DIPK1B: variants seen among roughly 807,000 people sequenced by gnomAD.
The protein encoded by DIPK1B is family with sequence similarity 69 member B.
DIPK1B carries 17 observed loss-of-function variants against 20.7 expected under a neutral mutation model. The ratio of observed to expected loss-of-function variants is 0.82; its 90% CI spans 0.56 to 1.23. The LOEUF (loss-of-function observed/expected upper bound fraction) is 1.23, where lower values mean the gene tolerates loss of function less well. DIPK1B is among the 50% of genes most tolerant of loss of function. The probability of loss-of-function intolerance (pLI) is 0.00; values close to 1 mark genes in which losing one functional copy is unlikely to be tolerated. For missense variants in DIPK1B, 648 were observed against 601.8 expected, an observed-to-expected ratio of 1.08 and a Z score of -0.80; for synonymous variants, 343 against 276.5, an observed-to-expected ratio of 1.24 and a Z score of -2.39.
chr9:136,719,069 G>T (rs1405550101), intron 2 of DIPK1B, among the ~76,000 whole-genome samples: 2 of 135,596 alleles, frequency 1.5e-5, no homozygotes, highest in Non-Finnish European at 3.1e-5. Context: ...GGAAGGCTGT[G>T]CCCCGATCAG....
rs181235765 is a variant in DIPK1B at position 136,714,223 on chromosome 9, A to G, written c.63+1495A>G. The stretch of plus-strand genomic sequence containing the variant: ...CAAGGTGGCTCCTGCCTGTAATGCC[A>G]GGCCTTAATGGGAGGGTCACTTGAA... On this transcript the variant is annotated intron_variant, in intron 1 of 4. Coordinates refer to ENST00000371692, the MANE Select transcript of DIPK1B (RefSeq NM_152421.4). Among the ~76,000 whole-genome samples, 1,434 of 152,298 alleles carry G rather than the reference A, an allele frequency of 9.4e-3. 17 individuals are homozygous for G. The highest frequency in any genetic ancestry group is 0.031 in the Middle Eastern group (9 of 294).
chr9:136,721,449 A>T (rs1846599334), intron 2 of DIPK1B: 1 of 163,830 alleles, frequency 6.1e-6, no homozygotes, highest in Admixed American at 6.0e-5. Context: ...CACCCGAGGC[A>T]GGAATGAAGA....
Position 136,717,703 on chromosome 9 carries a change from G to A in DIPK1B, c.190G>A (p.Val64Met). ...SERCRGHVCQVVICDQYRKGI... is the reference protein window; with the variant it reads ...SERCRGHVCQMVICDQYRKGI... ...GCGCTGTCGCGGCCATGTCTGCCAG[G>A]TGGTCATTGTAAGTGTTGCTTGTGC... The change falls in exon 2 of 5, where the codon GTG (valine) becomes ATG (methionine). Residue 64 changes from valine to methionine, a missense_variant. Physicochemically the swap from Val to Met is conservative, Grantham distance 21. Coordinates refer to ENST00000371692, the MANE Select transcript of DIPK1B (RefSeq NM_152421.4). 6.2e-7 allele frequency: 1 copy of A among 1,611,240 alleles called. No homozygotes were observed. Among genetic ancestry groups the A allele is most frequent in the Non-Finnish European group, 8.5e-7 (1 of 1,179,944 alleles).
chr9:136,721,920 G>A lies in DIPK1B; in HGVS notation c.199-1G>A. 6.2e-7 allele frequency: 1 copy of A among 1,613,064 alleles called. No homozygotes were observed. Among genetic ancestry groups the A allele is most frequent in the Non-Finnish European group, 8.5e-7 (1 of 1,179,888 alleles). On this transcript the variant is annotated splice_acceptor_variant, in intron 2 of 4. Coordinates refer to ENST00000371692, the MANE Select transcript of DIPK1B (RefSeq NM_152421.4). LOFTEE classifies it high-confidence loss of function. ...CGGCACGCCTGCACCTGTCTCCTCAGTGTGACCAGTACCGCAAGGGGATCA... is the reference window on the plus strand; with the variant it reads ...CGGCACGCCTGCACCTGTCTCCTCAATGTGACCAGTACCGCAAGGGGATCA...
In DIPK1B at chr9:136,722,868, A is replaced by C; in HGVS notation, c.484-94A>C. 5.2e-6 allele frequency: 7 copies of C among 1,337,384 alleles called. No homozygotes were observed. In the South Asian group the frequency reaches 7.3e-5, roughly 14 times the overall value. The allele number at this position is 1,337,384 out of a possible 1,614,324, so 82.8% of individuals were successfully genotyped here. A position where few individuals can be genotyped will look rare whatever the true frequency, so the allele number is the denominator to read the frequency against. On this transcript the variant is annotated intron_variant, in intron 4 of 4. Coordinates refer to ENST00000371692, the MANE Select transcript of DIPK1B (RefSeq NM_152421.4). ...TGGCAGATGTGCTGGTCTGGCCGGC[A>C]GACCACCCCGCCAGGAGGACCAGGT...
chr9:136,717,854 G>A (rs1483675342), intron 2 of DIPK1B, 143 bp downstream of exon 2: 2 of 1,332,808 alleles, frequency 1.5e-6, no homozygotes, highest in Non-Finnish European at 2.0e-6. Context: ...CTGCAAAGCT[G>A]CCTCAGGCTG....
chr9:136,720,140 G>A (rs1219268195), intron 2 of DIPK1B, among the ~76,000 whole-genome samples: 7 of 152,136 alleles, frequency 4.6e-5, no homozygotes, highest in Non-Finnish European at 7.4e-5. Flanking sequence ...GTCTGGGGAC[G>A]GGAGTGGACT....
intron 2 of DIPK1B, chr9:136,721,676 C>A: frequency 1.9e-6 from 1 of 521,486 alleles, no homozygotes; most frequent in Non-Finnish European, 3.5e-6. Context: ...CGTCCTGTTA[C>A]AGGAGCCAGG....
rs940777702 is a variant in DIPK1B, at chr9:136,712,901, G to C, written c.63+173G>C. On this transcript the variant is annotated intron_variant, in intron 1 of 4. Coordinates refer to ENST00000371692, the MANE Select transcript of DIPK1B (RefSeq NM_152421.4). The surrounding 1 kb of genome is among the most constrained non-coding windows in gnomAD (Gnocchi z 5.6). The stretch of plus-strand genomic sequence containing the variant: ...GTGGCTCCGGAAGGACGGGACGCTG[G>C]GGGAGGGGCGGTGGCGGCGACAGGA... 2.0e-5 allele frequency among the ~76,000 whole-genome samples: 3 copies of C among 152,132 alleles called. No individual in the cohort carries two copies. Among genetic ancestry groups the C allele is most frequent in the Non-Finnish European group, 4.4e-5 (3 of 67,978 alleles).
At position 136,712,635 on chromosome 9, in the gene DIPK1B, G is replaced by A; in HGVS notation, c.-31G>A. Reference sequence around the variant, plus strand: ...CCGGGGCTGAGGCCGAGCGAGCCGCGGGGCCCGCGCAGCCCCGGCCGGAGC... The same window carrying A: ...CCGGGGCTGAGGCCGAGCGAGCCGCAGGGCCCGCGCAGCCCCGGCCGGAGC... On this transcript the variant is annotated 5_prime_UTR_variant, in exon 1 of 5. Coordinates refer to ENST00000371692, the MANE Select transcript of DIPK1B (RefSeq NM_152421.4). The surrounding 1 kb of genome is among the most constrained non-coding windows in gnomAD (Gnocchi z 5.6). 4 of 1,111,864 alleles carry A rather than the reference G, an allele frequency of 3.6e-6. No individual in the cohort carries two copies. The highest frequency in any genetic ancestry group is 3.3e-6 in the Non-Finnish European group (3 of 908,880). The allele number at this position is 1,111,864 out of a possible 1,614,324, so 68.9% of individuals were successfully genotyped here.
chr9:136,713,143 G>A (rs998197947), intron 1 of DIPK1B, among the ~76,000 whole-genome samples: 10 of 152,180 alleles, frequency 6.6e-5, no homozygotes, highest in African/African-American at 2.2e-4. Flanking sequence ...CCATCAGCCA[G>A]CCGTAGCGCG....
chr9:136,721,704 G>A lies in DIPK1B; in HGVS notation c.199-217G>A, dbSNP rs552307160. On this transcript the variant is annotated intron_variant, in intron 2 of 4. Coordinates refer to ENST00000371692, the MANE Select transcript of DIPK1B (RefSeq NM_152421.4). Reference sequence around the variant, plus strand: ...GAGCCAGGATGGTGGGGACGGGACCGGACCGGAGGGTTGGCGGGGCTGCCC... The same window carrying A: ...GAGCCAGGATGGTGGGGACGGGACCAGACCGGAGGGTTGGCGGGGCTGCCC... 1.1e-3 allele frequency: 644 copies of A among 565,740 alleles called. 2 individuals are homozygous for A. The highest frequency in any genetic ancestry group is 1.7e-3 in the Non-Finnish European group (548 of 314,454). The allele number at this position is 565,740 out of a possible 1,614,324, so 35.0% of individuals were successfully genotyped here. A position where few individuals can be genotyped will look rare whatever the true frequency, so the allele number is the denominator to read the frequency against.
At position 136,712,673 on chromosome 9, in the gene DIPK1B, G is replaced by A; in HGVS notation, c.8G>A (p.Arg3Gln). The A allele has an allele frequency of 7.7e-7, 1 of 1,302,094 alleles. No homozygotes were observed. The highest frequency in any genetic ancestry group is 9.8e-7 in the Non-Finnish European group (1 of 1,024,994). The allele number at this position is 1,302,094 out of a possible 1,614,324, so 80.7% of individuals were successfully genotyped here. A position where few individuals can be genotyped will look rare whatever the true frequency, so the allele number is the denominator to read the frequency against. The change falls in exon 1 of 5, where the codon CGG becomes CAG. Residue 3 changes from arginine to glutamine, a missense_variant. Arg to Gln is a conservative substitution (Grantham distance 43). Coordinates refer to ENST00000371692, the MANE Select transcript of DIPK1B (RefSeq NM_152421.4). The surrounding 1 kb of genome is among the most constrained non-coding windows in gnomAD (Gnocchi z 5.6). ...CCCCGGCCGGAGCCCACCATGCGGC[G>A]GCTGCGGCGCCTGGCGCACCTGGTG... MRRLRRLAHLVLF... is the reference protein window; with the variant it reads MRQLRRLAHLVLF...
At position 136,720,524 on chromosome 9, in the gene DIPK1B, G is replaced by A. The variant is rs537975393; in HGVS notation, c.199-1397G>A. Among the ~76,000 whole-genome samples, 6 of 152,304 alleles carry A rather than the reference G, an allele frequency of 3.9e-5. No individual in the cohort carries two copies. The Middle Eastern group carries it at 0.01, about 259-fold the overall frequency. ...ATCCCTCCATCACCTCCCGTGGGGC[G>A]CTGGGATTGAGGGGCTGCCAGGCCC... On this transcript the variant is annotated intron_variant, in intron 2 of 4. Coordinates refer to ENST00000371692, the MANE Select transcript of DIPK1B (RefSeq NM_152421.4).
At chr9:136,722,741 C>T (rs1033831402) in intron 4 of DIPK1B, 10 of 608,272 alleles carry the variant, frequency 1.6e-5, no homozygotes, top group Middle Eastern at 4.3e-4. Flanking sequence ...TGCCAGGAGG[C>T]GGGAGGTCTG....
intron 2 of DIPK1B, among the ~76,000 whole-genome samples, chr9:136,720,333 C>T (rs1489129658): frequency 6.6e-6 from 1 of 152,176 alleles, no homozygotes; most frequent in Admixed American, 6.5e-5. Context: ...TGTCCCCATC[C>T]TTGGTGTGTG....
intron 1 of DIPK1B, among the ~76,000 whole-genome samples, chr9:136,713,639 A>C (rs956369084): frequency 2.0e-5 from 3 of 152,170 alleles, no homozygotes; most frequent in Admixed American, 6.5e-5. Context: ...GGACCACCCC[A>C]GTCGCTGGGA....
chr9:136,723,807 G>A lies in DIPK1B; in HGVS notation c.*33G>A. On this transcript the variant is annotated 3_prime_UTR_variant, in exon 5 of 5. Transcript: ENST00000371692. Reference sequence around the variant, plus strand: ...GTGAGGGGCCTGGCCACCCTTCCTGGAGCTGGCCAGGTGCCAGGGTCCAAC... The same window carrying A: ...GTGAGGGGCCTGGCCACCCTTCCTGAAGCTGGCCAGGTGCCAGGGTCCAAC... The A allele has an allele frequency of 6.6e-7, 1 of 1,522,942 alleles. No homozygotes were observed. Among genetic ancestry groups the A allele is most frequent in the South Asian group, 1.2e-5 (1 of 83,202 alleles). 94.3% of individuals were successfully genotyped at this position (1,522,942 alleles called of 1,614,324 possible). A position where few individuals can be genotyped will look rare whatever the true frequency, so the allele number is the denominator to read the frequency against.
rs1170368597 is a variant in DIPK1B at position 136,724,250 on chromosome 9, C to A, written c.*476C>A. On this transcript the variant is annotated 3_prime_UTR_variant, in exon 5 of 5. Coordinates refer to ENST00000371692, the MANE Select transcript of DIPK1B (RefSeq NM_152421.4). ...CACCTCTGAAGCCGCCAGGGCAGTTCCCCAAACACAGCGGCTTCTGAAACA... is the reference window on the plus strand; with the variant it reads ...CACCTCTGAAGCCGCCAGGGCAGTTACCCAAACACAGCGGCTTCTGAAACA... Among the ~76,000 whole-genome samples, 1 of 152,198 alleles carries A rather than the reference C, an allele frequency of 6.6e-6. No individual in the cohort carries two copies. Among genetic ancestry groups the A allele is most frequent in the Non-Finnish European group, 1.5e-5 (1 of 68,028 alleles).
Sources: gnomAD v4.1 joint callset for allele counts (sites outside exome capture counted in the v4.1 genomes callset) on GRCh38, gnomAD v4.1.1 for gene constraint, Gnocchi (gnomAD v3.1) non-coding constraint, MANE v1.5 for transcripts, NCBI Gene and HGNC (gene_info 2026-07-23, HGNC 2026-07-21) for gene names.